EPB41L2: variants seen among roughly 807,000 people sequenced by gnomAD.
The protein encoded by EPB41L2 is band 4.1-like protein 2.
EPB41L2 carries 43 observed loss-of-function variants against 113.0 expected under a neutral mutation model. The observed-to-expected ratio is 0.38, with a 90% CI of 0.30 to 0.49. EPB41L2 has a LOEUF of 0.49. Among genes scored for constraint, EPB41L2 ranks in the 20% least tolerant of loss-of-function variants. The pLI, the probability that EPB41L2 is intolerant of heterozygous loss-of-function variation, is 0.95. For missense variants in EPB41L2, 1,147 were observed against 1,223.4 expected (o/e 0.94, Z 0.93); for synonymous variants, 442 against 436.7 (o/e 1.01, Z -0.15).
At chr6:130,964,762 G>A (rs1466503827) in intron 1 of EPB41L2, among the ~76,000 whole-genome samples, 1 of 152,094 alleles carries the variant, frequency 6.6e-6, no homozygotes. Context: ...ATGGCATGCA[G>A]CAACTCGAAC....
At chr6:131,060,935 A>G (rs1295508159) in intron 1 of EPB41L2, among the ~76,000 whole-genome samples, 1 of 152,232 alleles carries the variant, frequency 6.6e-6, no homozygotes, top group Non-Finnish European at 1.5e-5. Context: ...TACAAAAGTT[A>G]GGAAAAATTT....
intron 8 of EPB41L2, among the ~76,000 whole-genome samples, chr6:130,895,441 G>C (rs1794357269): frequency 6.6e-6 from 1 of 152,200 alleles, no homozygotes; most frequent in Non-Finnish European, 1.5e-5. Flanking sequence ...AGCAGAACTA[G>C]AGATCCTGAA....
intron 1 of EPB41L2, among the ~76,000 whole-genome samples, chr6:131,030,370 T>C (rs994574327): frequency 5.3e-5 from 8 of 152,242 alleles, no homozygotes; most frequent in Non-Finnish European, 8.8e-5. Flanking sequence ...AGGTTTTTAA[T>C]GAAAGTATTT....
At chr6:130,990,301 A>G (rs2128693782) in intron 1 of EPB41L2, among the ~76,000 whole-genome samples, 1 of 152,146 alleles carries the variant, frequency 6.6e-6, no homozygotes, top group Middle Eastern at 3.4e-3. Context: ...AGCCTGGGTA[A>G]CAAAGCAAGA....
At chr6:130,904,226 TATC>T (rs1797081896) in intron 6 of EPB41L2, among the ~76,000 whole-genome samples, 1 of 152,160 alleles carries the variant, frequency 6.6e-6, no homozygotes, top group Admixed American at 6.5e-5. Flanking sequence ...TTGTCAGCAG[TATC>T]ATTTTTAAAA....
At chr6:130,969,158 T>C (rs1043436750) in intron 1 of EPB41L2, among the ~76,000 whole-genome samples, 3 of 152,102 alleles carry the variant, frequency 2.0e-5, no homozygotes, top group Non-Finnish European at 2.9e-5. Flanking sequence ...ACAGTTATCA[T>C]TTATTCAGCA....
intron 3 of EPB41L2, among the ~76,000 whole-genome samples, chr6:130,935,989 ATATT>A (rs1415161662): frequency 1.3e-5 from 2 of 152,228 alleles, no homozygotes; most frequent in Non-Finnish European, 2.9e-5. Context: ...TAAGAAAACC[ATATT>A]TGATGACATG....
intron 1 of EPB41L2, among the ~76,000 whole-genome samples, chr6:131,044,218 G>A (rs915078749): frequency 6.6e-6 from 1 of 151,614 alleles, no homozygotes; most frequent in African/African-American, 2.4e-5. Flanking sequence ...TAGAGATGGA[G>A]TTTCACCATG....
At chr6:130,922,105 G>A (rs1038501272) in intron 4 of EPB41L2, among the ~76,000 whole-genome samples, 3 of 152,212 alleles carry the variant, frequency 2.0e-5, no homozygotes, top group African/African-American at 7.2e-5. Flanking sequence ...AACAATGGAG[G>A]AAGAAGAGAG....
chr6:130,877,096 T>C (rs901627357), intron 14 of EPB41L2, among the ~76,000 whole-genome samples: 6 of 152,204 alleles, frequency 3.9e-5, no homozygotes, highest in African/African-American at 1.4e-4. Context: ...AGTTCAGCAA[T>C]TCTTTTTGCT....
chr6:130,927,619 T>G (rs1158853567), intron 3 of EPB41L2, among the ~76,000 whole-genome samples: 1 of 152,122 alleles, frequency 6.6e-6, no homozygotes, highest in Admixed American at 6.5e-5. Context: ...ACTATCAAAA[T>G]GTGTACTAGC....
chr6:131,046,146 C>T (rs1426409541), intron 1 of EPB41L2, among the ~76,000 whole-genome samples: 1 of 150,574 alleles, frequency 6.6e-6, no homozygotes, highest in East Asian at 2.0e-4. Context: ...GTCTCAACCT[C>T]CTGACTGAAG....
In EPB41L2 at chr6:130,847,790, T is replaced by C. The variant is rs573347145; in HGVS notation, c.*6-7192A>G. Among the ~76,000 whole-genome samples the C allele has an allele frequency of 2.2e-4, 33 of 152,344 alleles. No individual in the cohort carries two copies. In the South Asian group the frequency reaches 6.6e-3, roughly 31 times the overall value. ...CGGCCCTAAAGCTGTTAAGGTCTTC[T>C]GGTTCACTCTGCTAGGTCAAATCTT... On this transcript the variant is annotated intron_variant, in intron 19 of 19. Coordinates refer to ENST00000337057, the MANE Select transcript of EPB41L2 (RefSeq NM_001431.4).
At chr6:130,845,726 A>G (rs900902058) in intron 19 of EPB41L2, among the ~76,000 whole-genome samples, 14 of 152,220 alleles carry the variant, frequency 9.2e-5, no homozygotes, top group Non-Finnish European at 1.5e-4. Flanking sequence ...AAAATAGAGA[A>G]GACAGTTTCA....
intron 1 of EPB41L2, chr6:131,062,436 C>T (rs1394328242): frequency 1.3e-5 from 2 of 152,026 alleles, no homozygotes; most frequent in Non-Finnish European, 2.9e-5. Flanking sequence ...AACAAGCCAT[C>T]TGTGGTGAGA....
intron 1 of EPB41L2, chr6:131,062,678 G>A (rs1798914891): frequency 6.6e-6 from 1 of 151,976 alleles, no homozygotes; most frequent in South Asian, 2.1e-4. Flanking sequence ...GCGACGCCGC[G>A]GCCGACCCCC....
chr6:130,955,085 C>CA lies in EPB41L2; in HGVS notation c.705+19dup, dbSNP rs1221470428. ...ACAATCCACATATCAAGCTAGCTCT[C>CA]ACTCAGCTCCCTATCTCACCTCCAG... On this transcript the variant is annotated intron_variant, in intron 3 of 19. Transcript: ENST00000337057. 1 of 1,607,582 alleles carries CA rather than the reference C, an allele frequency of 6.2e-7. No homozygotes were observed. Among genetic ancestry groups the CA allele is most frequent in the African/African-American group, 1.3e-5 (1 of 74,784 alleles).
intron 14 of EPB41L2, among the ~76,000 whole-genome samples, chr6:130,873,639 T>C (rs1240180476): frequency 6.6e-6 from 1 of 152,186 alleles, no homozygotes; most frequent in African/African-American, 2.4e-5. Flanking sequence ...CTAATTTTTA[T>C]ATTTTTAGTA....
intron 1 of EPB41L2, among the ~76,000 whole-genome samples, chr6:131,060,093 T>C (rs576213868): frequency 1.3e-5 from 2 of 152,324 alleles, no homozygotes; most frequent in African/African-American, 4.8e-5. Flanking sequence ...GCTACTTCAG[T>C]TCAAAAAAGA....
Sources: gnomAD v4.1 joint callset for allele counts (sites outside exome capture counted in the v4.1 genomes callset) on GRCh38, gnomAD v4.1.1 for gene constraint, MANE v1.5 for transcripts, NCBI Gene and HGNC (gene_info 2026-07-23, HGNC 2026-07-21) for gene names.